The following FBXO21 variants were observed in gnomAD, a reference collection of about 807,000 sequenced individuals.
FBXO21 encodes the protein F-box protein 21, also known as F-box only protein 21.
A neutral mutation model predicts 76.6 loss-of-function variants in FBXO21; 32 were observed. That is an observed-to-expected ratio of 0.42 (90% CI 0.32 to 0.56). The LOEUF is 0.56. Among genes scored for constraint, FBXO21 ranks in the 20% least tolerant of loss-of-function variants. The probability of loss-of-function intolerance (pLI) is 0.16; values close to 1 mark genes in which losing one functional copy is unlikely to be tolerated. For missense variants in FBXO21, 586 were observed against 797.3 expected, an observed-to-expected ratio of 0.73 and a Z score of 3.19; for synonymous variants, 328 against 311.5, an observed-to-expected ratio of 1.05 and a Z score of -0.56.
chr12:117,179,705 G>A (rs1462709395), intron 3 of FBXO21, among the ~76,000 whole-genome samples: 1 of 152,168 alleles, frequency 6.6e-6, no homozygotes, highest in Non-Finnish European at 1.5e-5. Context: ...CTTTTGTGAT[G>A]TCAGCAGCAC....
intron 10 of FBXO21, among the ~76,000 whole-genome samples, chr12:117,157,071 TA>T (rs1565997363): frequency 6.6e-6 from 1 of 151,604 alleles, no homozygotes; most frequent in South Asian, 2.1e-4. Flanking sequence ...TAGTCCCAGC[TA>T]CCTGGGAGGC....
In FBXO21 at chr12:117,174,201, T is replaced by C. The variant is rs925468693; in HGVS notation, c.876+4A>G. ...TACCCATATATTACTGTACCTATAT[T>C]TACCTGATGCATATATAAGTTGAGG... is the stretch of plus-strand genomic sequence containing the variant. On this transcript the variant is annotated splice_donor_region_variant and intron_variant, in intron 6 of 11. Coordinates refer to ENST00000622495, the MANE Select transcript of FBXO21 (RefSeq NM_015002.3). The C allele has an allele frequency of 6.2e-7, 1 of 1,607,516 alleles. No individual in the cohort carries two copies. The highest frequency in any genetic ancestry group is 8.5e-7 in the Non-Finnish European group (1 of 1,173,920).
intron 11 of FBXO21, among the ~76,000 whole-genome samples, chr12:117,152,659 A>C (rs775100794): frequency 2.0e-5 from 3 of 152,326 alleles, no homozygotes; most frequent in Middle Eastern, 3.4e-3. Context: ...AAATAGGCAT[A>C]AAGTTATTTT....
chr12:117,148,081 G>A (rs1393943518), intron 11 of FBXO21, among the ~76,000 whole-genome samples: 1 of 152,200 alleles, frequency 6.6e-6, no homozygotes, highest in South Asian at 2.1e-4. Context: ...CAGGATGAAC[G>A]CAGGCATCTT....
In FBXO21 at chr12:117,155,940, T is replaced by C. The variant is rs1482531416; in HGVS notation, c.1526A>G (p.Tyr509Cys). The C allele has an allele frequency of 1.9e-6, 3 of 1,614,106 alleles. No individual in the cohort carries two copies. Among genetic ancestry groups the C allele is most frequent in the Non-Finnish European group, 2.5e-6 (3 of 1,179,958 alleles). Residue 509 changes from tyrosine to cysteine, a missense_variant, in exon 11 of 12, where the codon TAT becomes TGT. Physicochemically the swap from Tyr to Cys is radical, Grantham distance 194 (BLOSUM62 -2). Coordinates refer to ENST00000622495, the MANE Select transcript of FBXO21 (RefSeq NM_015002.3). ...GTCCCAGCCGTAGATCACACAGTTA[T>C]AGCCATACCTAGTTAACACAGGAGG... is the stretch of plus-strand genomic sequence containing the variant. Reference protein sequence around the residue: ...GLIMKHKRYGYNCVIYGWDPT... With the variant: ...GLIMKHKRYGCNCVIYGWDPT...
chr12:117,174,164 C>A (rs1220967692), intron 6 of FBXO21, 41 bp downstream of exon 6: 9 of 1,509,688 alleles, frequency 6.0e-6, no homozygotes, highest in Non-Finnish European at 8.3e-6. Context: ...AGTTACTATA[C>A]CTATATTACT....
intron 7 of FBXO21, among the ~76,000 whole-genome samples, chr12:117,171,357 CAA>C (rs57835444): frequency 2.3e-4 from 12 of 52,652 alleles, no homozygotes; most frequent in Admixed American, 2.3e-4. Context: ...GACCCTGTCT[CAA>C]AAAAAAAAAA....
intron 3 of FBXO21, among the ~76,000 whole-genome samples, chr12:117,184,530 G>T (rs1956264572): frequency 2.0e-5 from 3 of 152,222 alleles, no homozygotes; most frequent in Admixed American, 1.3e-4. Flanking sequence ...GAGACCAGCA[G>T]ATCACGTGAC....
At chr12:117,166,599 T>C (rs546472956) in intron 8 of FBXO21, among the ~76,000 whole-genome samples, 1 of 152,344 alleles carries the variant, frequency 6.6e-6, no homozygotes, top group East Asian at 1.9e-4. Flanking sequence ...ATATGACAAA[T>C]TTTCTTGGAC....
chr12:117,174,926 C>T, intron 4 of FBXO21, 129 bp from the exon 5 acceptor site: 3 of 852,286 alleles, frequency 3.5e-6, no homozygotes, highest in East Asian at 2.8e-5. Context: ...CATGTTTTGG[C>T]CATGGACCTT....
intron 2 of FBXO21, 159 bp downstream of exon 2, chr12:117,189,068 G>A (rs1178672400): frequency 1.0e-5 from 8 of 783,202 alleles, no homozygotes; most frequent in Non-Finnish European, 1.7e-5. Context: ...TTGGATAGGA[G>A]GAAAAGGACA....
intron 9 of FBXO21, among the ~76,000 whole-genome samples, chr12:117,165,079 A>G (rs1956036662): frequency 6.6e-6 from 1 of 152,192 alleles, no homozygotes; most frequent in African/African-American, 2.4e-5. Context: ...CATATCTAAG[A>G]TCCAATTTTC....
intron 6 of FBXO21, among the ~76,000 whole-genome samples, chr12:117,173,757 G>A (rs1956142050): frequency 2.0e-5 from 3 of 152,174 alleles, no homozygotes; most frequent in Admixed American, 2.0e-4. Flanking sequence ...TATCCTTACA[G>A]CAGAAGGAAA....
chr12:117,148,177 A>G (rs1341550027), intron 11 of FBXO21, among the ~76,000 whole-genome samples: 1 of 151,118 alleles, frequency 6.6e-6, no homozygotes, highest in African/African-American at 2.4e-5. Flanking sequence ...TTTTAAACAT[A>G]AAACAGGAGG....
intron 9 of FBXO21, among the ~76,000 whole-genome samples, chr12:117,159,515 A>G (rs1955954254): frequency 6.6e-6 from 1 of 152,206 alleles, no homozygotes; most frequent in Non-Finnish European, 1.5e-5. Flanking sequence ...AGTTCCAAAC[A>G]CATAAAAATG....
intron 2 of FBXO21, among the ~76,000 whole-genome samples, chr12:117,188,038 G>A (rs1177783442): frequency 2.0e-5 from 3 of 152,060 alleles, no homozygotes; most frequent in African/African-American, 4.8e-5. Flanking sequence ...GAAAAGCCTT[G>A]AAAACATTTC....
intron 3 of FBXO21, among the ~76,000 whole-genome samples, chr12:117,182,348 G>A (rs1432038505): frequency 1.3e-5 from 2 of 152,034 alleles, no homozygotes; most frequent in African/African-American, 4.8e-5. Context: ...AAATTAGCCA[G>A]GCATGATGGT....
chr12:117,165,120 A>G (rs1250600837), intron 9 of FBXO21, among the ~76,000 whole-genome samples: 2 of 152,224 alleles, frequency 1.3e-5, no homozygotes, highest in African/African-American at 2.4e-5. Flanking sequence ...ATTCATGGCC[A>G]ATGTAGTTGC....
intron 7 of FBXO21, among the ~76,000 whole-genome samples, chr12:117,169,748 C>T (rs1347109317): frequency 2.0e-5 from 3 of 152,088 alleles, no homozygotes; most frequent in African/African-American, 7.2e-5. Context: ...CTCAATCAAT[C>T]CTCCCACCTC....
Sources: allele counts gnomAD v4.1 joint callset (sites outside exome capture counted in the v4.1 genomes callset), GRCh38; gene constraint gnomAD v4.1.1; transcripts MANE v1.5; gene names NCBI Gene and HGNC (gene_info 2026-07-23, HGNC 2026-07-21).